The following PTPRD variants were observed in gnomAD, a reference collection of about 807,000 sequenced individuals.
PTPRD encodes receptor-type tyrosine-protein phosphatase delta.
PTPRD carries 34 observed loss-of-function variants against 214.5 expected under a neutral mutation model. The observed-to-expected ratio is 0.16, with a 90% CI of 0.12 to 0.21. The LOEUF (loss-of-function observed/expected upper bound fraction) is 0.21. Ranked by LOEUF, PTPRD falls within the 10% of genes least tolerant of loss-of-function variation. PTPRD has a pLI of 1.00. For synonymous variants in PTPRD, 1,128 were observed against 845.7 expected (o/e 1.33, Z -5.79); for missense variants, 2,545 against 2,398.7 (o/e 1.06, Z -1.27).
chr9:8,345,690 C>T (rs1241628042), intron 39 of PTPRD, among the ~76,000 whole-genome samples: 1 of 152,052 alleles, frequency 6.6e-6, no homozygotes, highest in Non-Finnish European at 1.5e-5. Flanking sequence ...TATCACGGTT[C>T]CATTGATTCT....
chr9:9,953,533 C>T (rs1330161449), intron 4 of PTPRD, among the ~76,000 whole-genome samples: 1 of 151,834 alleles, frequency 6.6e-6, no homozygotes, highest in South Asian at 2.1e-4. Context: ...CATACATACA[C>T]ACTCACTTTT....
intron 44 of PTPRD, among the ~76,000 whole-genome samples, 191 bp downstream of exon 44, chr9:8,331,391 A>G (rs1587809444): frequency 7.1e-6 from 1 of 140,058 alleles, no homozygotes; most frequent in Non-Finnish European, 1.5e-5. Flanking sequence ...TTTTGGGGCT[A>G]AACATTTTCC....
chr9:9,093,513 A>T (rs1223946087), intron 10 of PTPRD, among the ~76,000 whole-genome samples: 1 of 152,054 alleles, frequency 6.6e-6, no homozygotes, highest in Non-Finnish European at 1.5e-5. Flanking sequence ...TTCAAGCAGA[A>T]ATTAGTAATA....
intron 3 of PTPRD, among the ~76,000 whole-genome samples, chr9:10,097,631 A>T (rs2098504732): frequency 6.6e-6 from 1 of 151,556 alleles, no homozygotes; most frequent in Admixed American, 6.6e-5. Flanking sequence ...GCTTAAGGAG[A>T]TTTTGGGCTG....
At chr9:10,494,947 T>C (rs905909132) in intron 2 of PTPRD, among the ~76,000 whole-genome samples, 11 of 151,746 alleles carry the variant, frequency 7.2e-5, no homozygotes, top group African/African-American at 2.7e-4. Context: ...AAATGTATTG[T>C]TGCCATATCA....
intron 11 of PTPRD, among the ~76,000 whole-genome samples, chr9:8,869,042 C>G (rs2098248309): frequency 6.6e-6 from 1 of 152,066 alleles, no homozygotes; most frequent in Non-Finnish European, 1.5e-5. Flanking sequence ...CACCCTACCT[C>G]CAAATAAATC....
chr9:9,257,009 G>C (rs754914008), intron 9 of PTPRD, among the ~76,000 whole-genome samples: 6 of 151,874 alleles, frequency 4.0e-5, no homozygotes, highest in South Asian at 2.1e-4. Flanking sequence ...ATTCTTTAAG[G>C]GTTGTTCCCT....
intron 8 of PTPRD, among the ~76,000 whole-genome samples, chr9:9,533,351 G>T (rs189331690): frequency 1.3e-5 from 2 of 151,962 alleles, no homozygotes; most frequent in African/African-American, 4.8e-5. Flanking sequence ...ACAATATGCC[G>T]GCCAAAATGC....
chr9:9,215,721 A>G (rs1308955044), intron 9 of PTPRD, among the ~76,000 whole-genome samples: 1 of 152,194 alleles, frequency 6.6e-6, no homozygotes, highest in Non-Finnish European at 1.5e-5. Flanking sequence ...CAAGTAACAC[A>G]TGTAGCTGTT....
At chr9:10,335,893 C>T (rs1011181465) in intron 3 of PTPRD, among the ~76,000 whole-genome samples, 1 of 151,772 alleles carries the variant, frequency 6.6e-6, no homozygotes, top group African/African-American at 2.4e-5. Flanking sequence ...ATAGAGATAT[C>T]AGTACGTACT....
chr9:8,746,456 T>C (rs1409170915), intron 11 of PTPRD, among the ~76,000 whole-genome samples: 3 of 152,066 alleles, frequency 2.0e-5, no homozygotes, highest in African/African-American at 4.8e-5. Context: ...CTTTAGAAAA[T>C]ATATTTGAGA....
chr9:9,014,966 G>A (rs2154365066), intron 11 of PTPRD, among the ~76,000 whole-genome samples: 1 of 152,216 alleles, frequency 6.6e-6, no homozygotes, highest in African/African-American at 2.4e-5. Context: ...GTGTAGGTAT[G>A]TCTGTGTACA....
chr9:9,298,301 T>C (rs1953903354), intron 9 of PTPRD, among the ~76,000 whole-genome samples: 1 of 151,690 alleles, frequency 6.6e-6, no homozygotes, highest in Non-Finnish European at 1.5e-5. Flanking sequence ...ATTTTAAACA[T>C]CCTTTGTACA....
chr9:9,919,488 T>G (rs751076058), intron 5 of PTPRD, among the ~76,000 whole-genome samples: 15 of 152,180 alleles, frequency 9.9e-5, no homozygotes, highest in Non-Finnish European at 1.6e-4. Context: ...TGTGGAGTCC[T>G]GCATGTGCCG....
At chr9:10,337,221 A>C (rs1027618082) in intron 3 of PTPRD, among the ~76,000 whole-genome samples, 8 of 151,770 alleles carry the variant, frequency 5.3e-5, no homozygotes, top group African/African-American at 1.9e-4. Flanking sequence ...AACACCATTT[A>C]TGAAACAGAA....
In PTPRD at chr9:8,499,728, A is replaced by G. The variant is rs2097353105; in HGVS notation, c.2241T>C (p.Tyr747=). ...TTTCCATCCTCACATAATGCACCTG[A>G]TATCCTCTTATCTGGCCATGCTGTT... ...PNKQHGQIRG[Y]QVHYVRMENG... is the part of the protein sequence containing the mutation. Residue 747 remains tyrosine, a synonymous_variant, in exon 25 of 46, where the codon TAT becomes TAC. Transcript: ENST00000381196. The G allele has an allele frequency of 1.9e-6, 3 of 1,614,102 alleles. No individual in the cohort carries two copies. The highest frequency in any genetic ancestry group is 2.5e-6 in the Non-Finnish European group (3 of 1,179,994).
At chr9:10,077,129 C>T (rs1373181854) in intron 3 of PTPRD, among the ~76,000 whole-genome samples, 1 of 152,152 alleles carries the variant, frequency 6.6e-6, no homozygotes, top group East Asian at 1.9e-4. Flanking sequence ...ACTCCTTATA[C>T]ATAGTGCTTG....
At chr9:8,931,450 T>G (rs2098951983) in intron 11 of PTPRD, among the ~76,000 whole-genome samples, 1 of 152,160 alleles carries the variant, frequency 6.6e-6, no homozygotes, top group African/African-American at 2.4e-5. Flanking sequence ...TGCGGGCTCT[T>G]TTTTGGTTCC....
intron 13 of PTPRD, among the ~76,000 whole-genome samples, chr9:8,633,994 C>G (rs947649205): frequency 1.1e-4 from 17 of 152,088 alleles, no homozygotes; most frequent in African/African-American, 3.9e-4. Context: ...AACGAGACAG[C>G]TTTCACAACC....
Sources: allele counts gnomAD v4.1 joint callset (sites outside exome capture counted in the v4.1 genomes callset), GRCh38; gene constraint gnomAD v4.1.1; transcripts MANE v1.5; gene names NCBI Gene and HGNC (gene_info 2026-07-23, HGNC 2026-07-21).